Variants in DIP2B observed in about 807,000 individuals in gnomAD.
DIP2B encodes disco-interacting protein 2 homolog B.
Under a neutral mutation model 198.0 loss-of-function variants are expected in DIP2B, and 76 were observed. That is an observed-to-expected ratio of 0.38 (90% CI 0.32 to 0.46). The LOEUF (loss-of-function observed/expected upper bound fraction) is 0.46, where lower values mean the gene tolerates loss of function less well. Among genes scored for constraint, DIP2B ranks in the 20% least tolerant of loss-of-function variants. The pLI is 0.99. For missense variants in DIP2B, 1,559 were observed against 1,978.4 expected (o/e 0.79, Z 4.02); for synonymous variants, 701 against 739.1 (o/e 0.95, Z 0.84).
At chr12:50,707,727 G>A (rs1939539874) in intron 21 of DIP2B, among the ~76,000 whole-genome samples, 1 of 151,982 alleles carries the variant, frequency 6.6e-6, no homozygotes, top group African/African-American at 2.4e-5. Flanking sequence ...CATGGGGGTG[G>A]GGGTGGCCTG....
intron 1 of DIP2B, among the ~76,000 whole-genome samples, chr12:50,566,876 G>T (rs1958568434): frequency 6.6e-6 from 1 of 151,308 alleles, no homozygotes; most frequent in African/African-American, 2.4e-5. Context: ...GGAGGCTGAG[G>T]CAGGAGAATG....
chr12:50,510,604 GCA>G (rs1032299438), intron 1 of DIP2B, among the ~76,000 whole-genome samples: 3 of 151,314 alleles, frequency 2.0e-5, no homozygotes, highest in Admixed American at 6.6e-5. Context: ...TTGCTTATAT[GCA>G]CAGTTTCTCG....
chr12:50,735,161 G>C (rs371142470), intron 34 of DIP2B, 31 bp downstream of exon 34: 23 of 1,612,942 alleles, frequency 1.4e-5, no homozygotes, highest in Admixed American at 3.3e-5. Context: ...TGGGGAAGGT[G>C]GGCTGTGTGG....
intron 3 of DIP2B, among the ~76,000 whole-genome samples, chr12:50,657,618 C>A (rs540005226): frequency 5.9e-5 from 9 of 151,398 alleles, no homozygotes; most frequent in African/African-American, 1.9e-4. Flanking sequence ...GTAGTGACAC[C>A]CCATCTTTAC....
intron 1 of DIP2B, among the ~76,000 whole-genome samples, chr12:50,606,328 C>G (rs1958981378): frequency 6.6e-6 from 1 of 151,910 alleles, no homozygotes; most frequent in African/African-American, 2.4e-5. Context: ...ACTATGTTGC[C>G]CAAGCTGGTC....
intron 2 of DIP2B, among the ~76,000 whole-genome samples, chr12:50,637,383 C>T (rs1938179563): frequency 2.0e-5 from 3 of 152,200 alleles, no homozygotes; most frequent in Non-Finnish European, 2.9e-5. Flanking sequence ...TCTTTAGCCT[C>T]ACTGGTCTTA....
intron 1 of DIP2B, among the ~76,000 whole-genome samples, chr12:50,541,403 C>CTTTTTTTTTTTTTTTTTTT (rs57979674): frequency 2.3e-5 from 3 of 128,616 alleles, no homozygotes; most frequent in Non-Finnish European, 4.9e-5. Context: ...AAAGAACATT[C>CTTTTTTTTTTTTTTTTTTT]TTTTTTTTTT....
chr12:50,666,204 A>G (rs924587417), intron 4 of DIP2B, among the ~76,000 whole-genome samples: 6 of 152,334 alleles, frequency 3.9e-5, no homozygotes, highest in Middle Eastern at 3.4e-3. Flanking sequence ...CCTGATTGTA[A>G]AATTTAAGGT....
At chr12:50,563,248 G>C (rs540218580) in intron 1 of DIP2B, among the ~76,000 whole-genome samples, 6 of 151,986 alleles carry the variant, frequency 3.9e-5, no homozygotes. Flanking sequence ...GTGCAGTGAC[G>C]TGATCTTGGC....
rs2139615197 is a variant in DIP2B at position 50,746,511 on chromosome 12, T to C, written c.*1672T>C. The C allele has an allele frequency of 6.6e-6, 1 of 152,364 alleles. No homozygotes were observed. Among genetic ancestry groups the C allele is most frequent in the Non-Finnish European group, 1.5e-5 (1 of 68,042 alleles). 9.4% of individuals were successfully genotyped at this position (152,364 alleles called of 1,614,324 possible). On this transcript the variant is annotated 3_prime_UTR_variant, in exon 38 of 38. Transcript: ENST00000301180. ...GGGCTGCCATTACACGGTCTTGTGA[T>C]GTGACTAAAAGCCACTTTGTGACTC...
chr12:50,580,071 T>C (rs1313628555), intron 1 of DIP2B, among the ~76,000 whole-genome samples: 2 of 148,606 alleles, frequency 1.3e-5, no homozygotes, highest in African/African-American at 2.5e-5. Flanking sequence ...GCTAACTTTG[T>C]TGGCTTGCTT....
At position 50,699,144 on chromosome 12, in the gene DIP2B, C is replaced by G. The variant is rs752491872; in HGVS notation, c.2267C>G (p.Ser756Cys). 3 of 1,614,116 alleles carry G rather than the reference C, an allele frequency of 1.9e-6. No homozygotes were observed. Among genetic ancestry groups the G allele is most frequent in the Non-Finnish European group, 2.5e-6 (3 of 1,180,026 alleles). Residue 756 changes from serine to cysteine, a missense_variant, in exon 19 of 38, where the codon TCC becomes TGC. By Grantham distance (112) the Ser-to-Cys change is moderately radical. Transcript: ENST00000301180. ...TDEIGEICVS[S>C]RTGGMMYFGL... ...GAAATTGGAGAAATCTGTGTTAGCT[C>G]CAGAACTGGAGGCATGATGTACTTT...
At chr12:50,744,462 A>G in intron 37 of DIP2B, 125 bp from the exon 38 acceptor site, 1 of 1,312,322 alleles carries the variant, frequency 7.6e-7, no homozygotes, top group Non-Finnish European at 1.1e-6. Flanking sequence ...GGTAGACATG[A>G]CTGCTGACGT....
chr12:50,720,645 G>A (rs1193104582), intron 25 of DIP2B, among the ~76,000 whole-genome samples: 3 of 151,930 alleles, frequency 2.0e-5, no homozygotes, highest in African/African-American at 7.3e-5. Context: ...AGCCAGGCAC[G>A]GTGGCTCATG....
intron 22 of DIP2B, among the ~76,000 whole-genome samples, chr12:50,713,048 G>A (rs945437292): frequency 1.3e-5 from 2 of 152,072 alleles, no homozygotes; most frequent in African/African-American, 2.4e-5. Context: ...AGTCCAGGTC[G>A]GCTTACTTCT....
chr12:50,659,381 G>A (rs570657749), intron 3 of DIP2B, among the ~76,000 whole-genome samples: 59 of 152,104 alleles, frequency 3.9e-4, no homozygotes, highest in Non-Finnish European at 7.8e-4. Flanking sequence ...GTTTGTTTGT[G>A]GATTAGGCCC....
intron 1 of DIP2B, among the ~76,000 whole-genome samples, chr12:50,512,813 C>T (rs1329077733): frequency 6.6e-6 from 1 of 152,186 alleles, no homozygotes; most frequent in Non-Finnish European, 1.5e-5. Context: ...CGAGACCAGC[C>T]TGGGCAACAT....
At chr12:50,698,241 A>G (rs1019970085) in intron 17 of DIP2B, 87 bp from the exon 18 acceptor site, 6 of 1,488,344 alleles carry the variant, frequency 4.0e-6, no homozygotes, top group Middle Eastern at 4.2e-4. Flanking sequence ...TTGGTATTGT[A>G]GCCAGAGGAA....
At chr12:50,715,740 G>A (rs1445986708) in intron 23 of DIP2B, among the ~76,000 whole-genome samples, 1 of 152,196 alleles carries the variant, frequency 6.6e-6, no homozygotes. Flanking sequence ...TCTAGAAATT[G>A]CACATATTAC....
Sources: gnomAD v4.1 joint callset for allele counts (sites outside exome capture counted in the v4.1 genomes callset) on GRCh38, gnomAD v4.1.1 for gene constraint, MANE v1.5 for transcripts, NCBI Gene and HGNC (gene_info 2026-07-23, HGNC 2026-07-21) for gene names.